The following USP43 variants were observed in gnomAD, a reference collection of about 807,000 sequenced individuals.
The protein encoded by USP43 is ubiquitin carboxyl-terminal hydrolase 43.
In USP43, 33 loss-of-function variants were observed where a neutral mutation model predicts 90.7. The observed-to-expected ratio is 0.36, with a 90% confidence interval of 0.28 to 0.49. The LOEUF is 0.49. Among genes scored for constraint, USP43 ranks in the 20% least tolerant of loss-of-function variants. The pLI, the probability that USP43 is intolerant of heterozygous loss-of-function variation, is 0.98. For synonymous variants in USP43, 598 were observed against 615.8 expected (o/e 0.97, Z 0.43); for missense variants, 1,274 against 1,476.4 (o/e 0.86, Z 2.25).
intron 3 of USP43, among the ~76,000 whole-genome samples, chr17:9,671,090 T>C (rs2151970313): frequency 6.6e-6 from 1 of 152,308 alleles, no homozygotes; most frequent in East Asian, 1.9e-4. Context: ...CTTAAACCCC[T>C]TTTAAGGGGC....
Position 9,674,793 on chromosome 17 carries a change from C to G in USP43, c.741-98C>G. The G allele has an allele frequency of 1.0e-6, 1 of 986,880 alleles. No homozygotes were observed. The highest frequency in any genetic ancestry group is 1.6e-6 in the Non-Finnish European group (1 of 621,452). 61.1% of individuals were successfully genotyped at this position (986,880 alleles called of 1,614,324 possible). On this transcript the variant is annotated intron_variant, in intron 3 of 14. Coordinates refer to ENST00000285199, the MANE Select transcript of USP43 (RefSeq NM_153210.5). This position sits in a 1 kb window ranked among gnomAD's most constrained non-coding sequence, Gnocchi z 4.4. ...CTGGGTATGTACCTACGAGTGGAAT[C>G]ACAGGGAGTGGAAATGCAAGGATAA...
intron 12 of USP43, among the ~76,000 whole-genome samples, chr17:9,706,608 G>A (rs1915887959): frequency 6.8e-6 from 1 of 147,062 alleles, no homozygotes; most frequent in South Asian, 2.2e-4. Context: ...TCCTTGAGAT[G>A]CCATCTGCCC....
chr17:9,666,557 G>A, intron 2 of USP43, 91 bp from the exon 3 acceptor site: 3 of 1,012,564 alleles, frequency 3.0e-6, no homozygotes, highest in Non-Finnish European at 3.0e-6. Context: ...GATGATGCGG[G>A]CCCAGGAGGA....
intron 9 of USP43, among the ~76,000 whole-genome samples, chr17:9,693,628 GATTTTGAGACCAGTC>G (rs2151983501): frequency 6.6e-6 from 1 of 152,212 alleles, no homozygotes; most frequent in East Asian, 1.9e-4. Flanking sequence ...CTGGGGTCAG[GATTTTGAGACCAGTC>G]TGGCCAACAT....
intron 2 of USP43, 117 bp downstream of exon 2, chr17:9,656,651 G>A (rs1912274421): frequency 7.7e-7 from 1 of 1,293,110 alleles, no homozygotes; most frequent in African/African-American, 1.5e-5. Context: ...TATATAGTCT[G>A]GCTACTATAT....
intron 12 of USP43, among the ~76,000 whole-genome samples, chr17:9,702,181 T>C (rs762759888): frequency 9.3e-5 from 14 of 151,342 alleles, no homozygotes; most frequent in Non-Finnish European, 1.9e-4. Flanking sequence ...GGCAACAAAG[T>C]GAGACCCCCG....
intron 8 of USP43, 62 bp from the exon 9 acceptor site, chr17:9,693,065 G>A: frequency 8.2e-7 from 1 of 1,224,464 alleles, no homozygotes; most frequent in Non-Finnish European, 1.2e-6. Context: ...CGCCCCTTTA[G>A]AGTCTAATTT....
intron 7 of USP43, among the ~76,000 whole-genome samples, chr17:9,685,379 G>A (rs1914541896): frequency 6.6e-6 from 1 of 152,146 alleles, no homozygotes; most frequent in African/African-American, 2.4e-5. Flanking sequence ...TTACTATGTT[G>A]GGACATGGAT....
chr17:9,704,524 A>C (rs571660527), intron 12 of USP43, among the ~76,000 whole-genome samples: 6 of 152,194 alleles, frequency 3.9e-5, no homozygotes, highest in East Asian at 1.9e-4. Context: ...ACCATGTTGG[A>C]CAGGCTGGTC....
intron 5 of USP43, among the ~76,000 whole-genome samples, chr17:9,678,593 A>G (rs1318364843): frequency 1.3e-5 from 2 of 151,698 alleles, no homozygotes; most frequent in Non-Finnish European, 2.9e-5. Flanking sequence ...GCCCGCCTCA[A>G]CCTCCCAAAG....
intron 14 of USP43, among the ~76,000 whole-genome samples, chr17:9,712,902 T>C (rs1916290536): frequency 6.6e-6 from 1 of 152,170 alleles, no homozygotes; most frequent in South Asian, 2.1e-4. Context: ...GTTTGATACA[T>C]GCGTACAATG....
chr17:9,668,056 GT>G (rs1276183700), intron 3 of USP43, among the ~76,000 whole-genome samples: 1 of 152,148 alleles, frequency 6.6e-6, no homozygotes, highest in African/African-American at 2.4e-5. Context: ...TTCATTCACT[GT>G]GATTCTCTGC....
In USP43 at chr17:9,645,680, C is replaced by T; in HGVS notation, c.48C>T (p.Pro16=). ...CGGCAGGAGGGGGACCGCTCGCGCC[C>T]CGGCCCCGCCGCCGCCGCTCCCTGC... is the stretch of plus-strand genomic sequence containing the variant. ...GDAAGGGPLA[P]RPRRRRSLRR... The change falls in exon 1 of 15, where the codon CCC becomes CCT. Residue 16 remains proline (P), a synonymous_variant. Transcript: ENST00000285199. The surrounding 1 kb of genome is among the most constrained non-coding windows in gnomAD (Gnocchi z 6.8). The T allele has an allele frequency of 1.6e-6, 2 of 1,284,194 alleles. No homozygotes were observed. The highest frequency in any genetic ancestry group is 2.0e-6 in the Non-Finnish European group (2 of 1,021,988). 79.5% of individuals were successfully genotyped at this position (1,284,194 alleles called of 1,614,324 possible).
intron 6 of USP43, among the ~76,000 whole-genome samples, chr17:9,681,160 T>A (rs1350427314): frequency 3.2e-5 from 3 of 94,896 alleles, no homozygotes; most frequent in South Asian, 6.3e-4. Context: ...TAATATATAC[T>A]ATATAATATA....
rs375331218 is a variant in USP43, at chr17:9,666,789, G to T, written c.740+38G>T. On this transcript the variant is annotated intron_variant, in intron 3 of 14. Transcript: ENST00000285199. The stretch of plus-strand genomic sequence containing the variant: ...TGTGTTTAGAATGTATCACCCGAGG[G>T]CTCCGCAGACTCAATTCCTGGTAAC... 1.1e-4 allele frequency: 161 copies of T among 1,524,202 alleles called. No individual in the cohort carries two copies. The African/African-American group carries it at 2.0e-3, about 19-fold the overall frequency. The allele number at this position is 1,524,202 out of a possible 1,614,324, so 94.4% of individuals were successfully genotyped here.
intron 2 of USP43, among the ~76,000 whole-genome samples, chr17:9,661,288 A>G (rs963227373): frequency 1.3e-5 from 2 of 152,208 alleles, no homozygotes; most frequent in African/African-American, 4.8e-5. Context: ...AAGTTGACAT[A>G]TATTAAACAC....
chr17:9,705,497 G>A (rs1421819861), intron 12 of USP43, among the ~76,000 whole-genome samples: 1 of 152,130 alleles, frequency 6.6e-6, no homozygotes, highest in Non-Finnish European at 1.5e-5. Context: ...GCTCACGCCT[G>A]TAATCCCAGC....
At chr17:9,671,301 C>T (rs1913419686) in intron 3 of USP43, among the ~76,000 whole-genome samples, 1 of 151,148 alleles carries the variant, frequency 6.6e-6, no homozygotes, top group African/African-American at 2.5e-5. Flanking sequence ...TGTGTGTGTG[C>T]ACAAATTCTT....
chr17:9,657,914 G>T (rs201963785), intron 2 of USP43, among the ~76,000 whole-genome samples: 1 of 112,480 alleles, frequency 8.9e-6, no homozygotes, highest in South Asian at 2.8e-4. Context: ...TGCTGTAATA[G>T]AAGAGAAGTT....
Sources: allele counts gnomAD v4.1 joint callset (sites outside exome capture counted in the v4.1 genomes callset), GRCh38; gene constraint gnomAD v4.1.1; non-coding constraint Gnocchi (gnomAD v3.1); transcripts MANE v1.5; gene names NCBI Gene and HGNC (gene_info 2026-07-23, HGNC 2026-07-21).